NAV3: variants seen among roughly 807,000 people sequenced by gnomAD.
NAV3 encodes pore membrane and/or filament interacting like protein 1.
NAV3 carries 87 observed loss-of-function variants against 244.7 expected under a neutral mutation model. That is an observed-to-expected ratio of 0.36 (90% confidence interval 0.30 to 0.42). The LOEUF (loss-of-function observed/expected upper bound fraction) is 0.42, where lower values mean the gene tolerates loss of function less well. Ranked by LOEUF, NAV3 falls within the 20% of genes least tolerant of loss-of-function variation. The probability of loss-of-function intolerance (pLI) is 1.00; values close to 1 mark genes in which losing one functional copy is unlikely to be tolerated. For missense variants in NAV3, 2,663 were observed against 2,893.3 expected (o/e 0.92, Z 1.83); for synonymous variants, 1,126 against 1,042.2 (o/e 1.08, Z -1.55).
chr12:78,195,647 C>G (rs1959166762), intron 34 of NAV3, among the ~76,000 whole-genome samples: 1 of 151,962 alleles, frequency 6.6e-6, no homozygotes, highest in African/African-American at 2.4e-5. Flanking sequence ...CCTTTATCCT[C>G]TCTCATGGAA....
At position 78,122,262 on chromosome 12, in the gene NAV3, A is replaced by C. The variant is rs1298121910; in HGVS notation, c.4072A>C (p.Lys1358Gln). The C allele has an allele frequency of 3.1e-6, 5 of 1,614,060 alleles. No individual in the cohort carries two copies. The highest frequency in any genetic ancestry group is 4.2e-6 in the Non-Finnish European group (5 of 1,180,042). Residue 1358 changes from lysine to glutamine, a missense_variant, in exon 16 of 40, where the codon AAG becomes CAG. Around this residue, in one of 6 missense-constraint regions of NAV3, gnomAD observed 354 missense variants for 413.0 expected, o/e 0.86. Transcript: ENST00000397909. The stretch of plus-strand genomic sequence containing the variant: ...TATGAGCAGTTCCTCTGCAGGCAGC[A>C]AGGATACTCCGAGCTACCAGTCCAT... ...ANMSSSSAGSKDTPSYQSMTS... is the reference protein window; with the variant it reads ...ANMSSSSAGSQDTPSYQSMTS...
chr12:78,101,073 AG>A (rs1775800883), intron 12 of NAV3, among the ~76,000 whole-genome samples: 1 of 152,178 alleles, frequency 6.6e-6, no homozygotes, highest in African/African-American at 2.4e-5. Context: ...TGTTAGAATG[AG>A]GGAATAAATC....
chr12:78,029,611 T>G (rs973052269), intron 9 of NAV3, among the ~76,000 whole-genome samples: 1 of 152,152 alleles, frequency 6.6e-6, no homozygotes, highest in South Asian at 2.1e-4. Context: ...CTGCTTCTGA[T>G]GTTTCTTCTC....
rs148339315 is a variant in NAV3, at chr12:78,123,191, T to A, written c.4238+763T>A. Among the ~76,000 whole-genome samples the A allele has an allele frequency of 3.8e-4, 58 of 152,260 alleles. No homozygotes were observed. The East Asian group carries it at 9.1e-3, about 24-fold the overall frequency. On this transcript the variant is annotated intron_variant, in intron 16 of 39. Coordinates refer to ENST00000397909, the MANE Select transcript of NAV3 (RefSeq NM_001024383.2). ...ACTGACTCTTACCACCAGGAAAATG[T>A]CTTAAAACCACTTCTTTTTCCTGAT...
intron 2 of NAV3, among the ~76,000 whole-genome samples, chr12:77,637,340 T>G (rs757727699): frequency 3.6e-4 from 55 of 152,104 alleles, no homozygotes; most frequent in Non-Finnish European, 6.9e-4. Context: ...AAGTGTTTAT[T>G]ATAGTATTAG....
rs185785096 is a variant in NAV3 at position 78,031,908 on chromosome 12, A to T, written c.2023+10046A>T. 9.7e-3 allele frequency among the ~76,000 whole-genome samples: 1,477 copies of T among 152,040 alleles called. 29 individuals are homozygous for T. Among genetic ancestry groups the T allele is most frequent in the African/African-American group, 0.034 (1,414 of 41,502 alleles). On this transcript the variant is annotated intron_variant, in intron 9 of 39. Coordinates refer to ENST00000397909, the MANE Select transcript of NAV3 (RefSeq NM_001024383.2). ...AATAAAAAAATAATAATAATAAAAA[A>T]AAAGAGAAGTGGTCTCTTTTTCCAC...
chr12:78,117,709 G>A lies in NAV3; in HGVS notation c.2770-318G>A, dbSNP rs150257947. 6.9e-4 allele frequency among the ~76,000 whole-genome samples: 105 copies of A among 151,838 alleles called. 1 individual carries two copies. Among genetic ancestry groups the A allele is most frequent in the African/African-American group, 2.5e-3 (102 of 41,476 alleles). On this transcript the variant is annotated intron_variant, in intron 13 of 39. Coordinates refer to ENST00000397909, the MANE Select transcript of NAV3 (RefSeq NM_001024383.2). ...TGAAATATATCACTGGATCTGTTGTGAATGATAAATCAAAAATGAAAAATG... is the reference window on the plus strand; with the variant it reads ...TGAAATATATCACTGGATCTGTTGTAAATGATAAATCAAAAATGAAAAATG...
chr12:78,122,673 G>A (rs1290227161), intron 16 of NAV3, among the ~76,000 whole-genome samples: 1 of 152,160 alleles, frequency 6.6e-6, no homozygotes, highest in Admixed American at 6.5e-5. Flanking sequence ...AGTAGGCAAT[G>A]TGAATAAAAT....
At chr12:78,031,377 T>C (rs1380989770) in intron 9 of NAV3, among the ~76,000 whole-genome samples, 2 of 151,986 alleles carry the variant, frequency 1.3e-5, no homozygotes, top group Non-Finnish European at 2.9e-5. Context: ...CTAACTGAAA[T>C]TGATATAAGT....
intron 1 of NAV3, among the ~76,000 whole-genome samples, chr12:77,851,248 C>T (rs1005233017): frequency 2.0e-5 from 3 of 152,200 alleles, no homozygotes; most frequent in South Asian, 2.1e-4. Context: ...TATGGAGGCA[C>T]CAGCTTCTTT....
intron 4 of NAV3, 87 bp from the exon 5 acceptor site, chr12:77,968,431 AT>A: frequency 9.5e-7 from 1 of 1,049,304 alleles, no homozygotes. Context: ...GTCTTCATAG[AT>A]TTATTTCAAG....
chr12:77,868,329 G>T (rs910847835), intron 1 of NAV3, among the ~76,000 whole-genome samples: 3 of 151,914 alleles, frequency 2.0e-5, no homozygotes, highest in Non-Finnish European at 2.9e-5. Context: ...ATATAATAAC[G>T]TATGTTATTC....
intron 2 of NAV3, among the ~76,000 whole-genome samples, chr12:77,601,626 A>G (rs774416600): frequency 6.6e-6 from 1 of 151,974 alleles, no homozygotes; most frequent in East Asian, 1.9e-4. Flanking sequence ...ACATGTACCT[A>G]TGTCAAGCTG....
chr12:77,592,266 C>G (rs1348944197), intron 2 of NAV3, among the ~76,000 whole-genome samples: 1 of 152,192 alleles, frequency 6.6e-6, no homozygotes, highest in South Asian at 2.1e-4. Flanking sequence ...CTAGAGAGGG[C>G]TTTGCTAAGG....
chr12:77,891,864 C>G (rs997908237), intron 1 of NAV3, among the ~76,000 whole-genome samples: 1 of 152,146 alleles, frequency 6.6e-6, no homozygotes, highest in African/African-American at 2.4e-5. Flanking sequence ...TTTATCCTAC[C>G]TGGAAGGTGT....
Position 77,709,137 on chromosome 12 carries a change from G to A in NAV3, c.72+136871G>A, listed in dbSNP as rs562726515. ...GTGGGCTTCATCCCTGGGATGCAAG[G>A]CTGGTTCAACATATGCAAATCAATA... On this transcript the variant is annotated intron_variant, in intron 2 of 8. Coordinates refer to the NAV3 transcript ENST00000550042. Among the ~76,000 whole-genome samples the A allele has an allele frequency of 2.0e-5, 3 of 152,212 alleles. No homozygotes were observed. The East Asian group carries it at 5.8e-4, about 29-fold the overall frequency.
rs146844417 is a variant in NAV3, at chr12:77,837,021, A to C, written c.243+5317A>C. ...AACAGTAGTTAAAATAAATATTTAA[A>C]ATAAGCATAAATAATATTGTCATGC... On this transcript the variant is annotated intron_variant, in intron 1 of 39. Transcript: ENST00000397909. Among the ~76,000 whole-genome samples the C allele has an allele frequency of 2.8e-4, 43 of 152,274 alleles. 1 individual carries two copies. The East Asian group carries it at 8.1e-3, about 29-fold the overall frequency.
chr12:77,779,024 T>C (rs547879664), intron 2 of NAV3, among the ~76,000 whole-genome samples: 239 of 152,346 alleles, frequency 1.6e-3, no homozygotes, highest in African/African-American at 5.5e-3. Context: ...TTAAAAAAGT[T>C]TTACTTGCAA....
intron 12 of NAV3, among the ~76,000 whole-genome samples, chr12:78,067,872 T>A (rs1227818909): frequency 6.6e-6 from 1 of 152,086 alleles, no homozygotes. Flanking sequence ...CTCTTATTGA[T>A]GTATAATTTT....
Sources: gnomAD v4.1 joint callset for allele counts (sites outside exome capture counted in the v4.1 genomes callset) on GRCh38, gnomAD v4.1.1 for gene constraint, gnomAD v4.1.1 regional missense constraint, MANE v1.5 for transcripts, NCBI Gene and HGNC (gene_info 2026-07-23, HGNC 2026-07-21) for gene names.